MALAT1: variants seen among roughly 807,000 people sequenced by gnomAD.
MALAT1 encodes metastasis associated lung adenocarcinoma transcript 1, also known as hepcarcin.
chr11:65,498,091 C>T (rs1854433579), intron 1 of MALAT1: 3 of 518,860 alleles, frequency 5.8e-6, no homozygotes, highest in South Asian at 2.8e-5. Flanking sequence ...CCTAACCAGG[C>T]ATAACACAGA....
exon 3 of MALAT1, chr11:65,503,644 C>G (rs1157783167): frequency 5.9e-6 from 3 of 511,782 alleles, no homozygotes; most frequent in South Asian, 4.3e-5. Context: ...TTTTAGAAAG[C>G]TGTCTCCTTA....
chr11:65,499,476 T>A (rs771531891), exon 3 of MALAT1: 1 of 465,376 alleles, frequency 2.1e-6, no homozygotes, highest in African/African-American at 2.0e-5. Context: ...ATTAAAATAA[T>A]TTGAAGGCGA....
intron 1 of MALAT1, chr11:65,498,009 G>C (rs760158764): frequency 3.9e-6 from 2 of 518,848 alleles, no homozygotes; most frequent in African/African-American, 1.9e-5. Context: ...AAACTCTGCA[G>C]TTTGGTCTTG....
chr11:65,498,003 TCTGCAGTTTGGTC>T (rs750157070), intron 1 of MALAT1: 2 of 518,858 alleles, frequency 3.9e-6, no homozygotes, highest in East Asian at 1.1e-4. Flanking sequence ...CCACTCAAAC[TCTGCAGTTTGGTC>T]TTGGGGTTTG....
chr11:65,502,801 G>GGT, exon 3 of MALAT1: 1 of 513,468 alleles, frequency 1.9e-6, no homozygotes. Flanking sequence ...TACTACTGAT[G>GGT]AGAACATTAT....
exon 3 of MALAT1, chr11:65,500,034 T>A (rs765196493): frequency 2.3e-6 from 1 of 433,030 alleles, no homozygotes; most frequent in Non-Finnish European, 4.5e-6. Context: ...AGCCCATCAA[T>A]TTAATTTCTG....
exon 3 of MALAT1, chr11:65,499,178 C>T (rs1274174524): frequency 3.9e-6 from 2 of 507,292 alleles, no homozygotes; most frequent in African/African-American, 2.0e-5. Context: ...CAATAGGTTA[C>T]TAAGATATTG....
chr11:65,505,888 C>T (rs777204174), intron 3 of MALAT1: 2 of 438,934 alleles, frequency 4.6e-6, no homozygotes, highest in South Asian at 3.5e-5. Context: ...AGAAGATAGG[C>T]ATTTGAGTGG....
exon 3 of MALAT1, chr11:65,503,785 G>A (rs775115937): frequency 3.9e-6 from 2 of 514,958 alleles, no homozygotes; most frequent in Non-Finnish European, 3.9e-6. Flanking sequence ...GCGGAAGAAC[G>A]AATGTAACTT....
At chr11:65,501,377 G>C (rs575790926) in exon 3 of MALAT1, 1 of 518,532 alleles carries the variant, frequency 1.9e-6, no homozygotes, top group Non-Finnish European at 3.9e-6. Context: ...ACAGTTTATA[G>C]AAACTAGAGC....
At chr11:65,501,651 C>T (rs1251146692) in exon 3 of MALAT1, 1 of 518,840 alleles carries the variant, frequency 1.9e-6, no homozygotes, top group Non-Finnish European at 3.8e-6. Context: ...GTGCTGTTGG[C>T]ACGAACACCT....
At chr11:65,500,740 G>A (rs752380388) in exon 3 of MALAT1, 1 of 519,010 alleles carries the variant, frequency 1.9e-6, no homozygotes, top group Admixed American at 1.9e-5. Context: ...AGTGTGCCAA[G>A]GCCACAGGGA....
exon 3 of MALAT1, chr11:65,499,554 C>T (rs11540787): frequency 2.2e-6 from 1 of 457,428 alleles, no homozygotes; most frequent in Non-Finnish European, 4.4e-6. Context: ...GGGAGAATTG[C>T]GTCATTTAAA....
intron 3 of MALAT1, chr11:65,504,491 A>G (rs1279310508): frequency 1.9e-6 from 1 of 518,876 alleles, no homozygotes; most frequent in East Asian, 5.4e-5. Context: ...GTTGAAGGAA[A>G]AAATCCAGCT....
At position 65,504,222 on chromosome 11, in the gene MALAT1, C is replaced by T. The variant is rs139292842; in HGVS notation, n.5168+317C>T. 314 of 516,366 alleles carry T rather than the reference C, an allele frequency of 6.1e-4. 1 individual carries two copies. Among genetic ancestry groups the T allele is most frequent in the Non-Finnish European group, 8.2e-4 (214 of 259,480 alleles). 32.0% of individuals were successfully genotyped at this position (516,366 alleles called of 1,614,324 possible). ...TTCTGTTCTAGTGAGTGTATGAGAC[C>T]TTGCAGTGAGTTTATCAGCATACTC... is the stretch of plus-strand genomic sequence containing the variant. On this transcript the variant is annotated intron_variant and non_coding_transcript_variant, in intron 3 of 3. Coordinates refer to ENST00000619449, the Ensembl canonical transcript of MALAT1.
chr11:65,505,677 G>C lies in MALAT1; in HGVS notation n.5169-583G>C, dbSNP rs200655069. The C allele has an allele frequency of 1.2e-5, 6 of 518,994 alleles. No individual in the cohort carries two copies. In the East Asian group the frequency reaches 2.2e-4, roughly 19 times the overall value. 32.1% of individuals were successfully genotyped at this position (518,994 alleles called of 1,614,324 possible). A position where few individuals can be genotyped will look rare whatever the true frequency, so the allele number is the denominator to read the frequency against. ...TCGGTTTCAAGGTAACGATGGTGTC[G>C]AGGTCTTTGGTGGGTTGAACTATGT... is the stretch of plus-strand genomic sequence containing the variant. On this transcript the variant is annotated intron_variant and non_coding_transcript_variant, in intron 3 of 3. Coordinates refer to ENST00000619449, the Ensembl canonical transcript of MALAT1.
At position 65,501,135 on chromosome 11, in the gene MALAT1, T is replaced by C. The variant is rs764258161; in HGVS notation, n.2398T>C. The C allele has an allele frequency of 1.9e-5, 10 of 517,420 alleles. No individual in the cohort carries two copies. In the East Asian group the frequency reaches 4.4e-4, roughly 23 times the overall value. 32.1% of individuals were successfully genotyped at this position (517,420 alleles called of 1,614,324 possible). A position where few individuals can be genotyped will look rare whatever the true frequency, so the allele number is the denominator to read the frequency against. On this transcript the variant is annotated non_coding_transcript_exon_variant, in exon 3 of 4. Transcript: ENST00000619449. ...TAATGAAGTATTTCAGTTTTGTGAA[T>C]AGATGACCTGTTTTTACTTCCTCAC... is the stretch of plus-strand genomic sequence containing the variant.
exon 3 of MALAT1, chr11:65,502,426 G>T (rs1565053744): frequency 4.0e-6 from 2 of 494,836 alleles, no homozygotes; most frequent in Non-Finnish European, 8.0e-6. Flanking sequence ...GTGTAAGCAA[G>T]TTTTTTTTTA....
chr11:65,505,453 G>A lies in MALAT1; in HGVS notation n.5169-807G>A, dbSNP rs377008075. 102 of 511,156 alleles carry A rather than the reference G, an allele frequency of 2.0e-4. 1 individual carries two copies. Among genetic ancestry groups the A allele is most frequent in the South Asian group, 7.7e-4 (55 of 71,106 alleles). 31.7% of individuals were successfully genotyped at this position (511,156 alleles called of 1,614,324 possible). A position where few individuals can be genotyped will look rare whatever the true frequency, so the allele number is the denominator to read the frequency against. On this transcript the variant is annotated intron_variant and non_coding_transcript_variant, in intron 3 of 3. Transcript: ENST00000619449. ...TAATAATAAAGCCCAAATCTCAAGC[G>A]GTGCTTGAAGGGGAGGGAAAGGGGG...
Sources: allele counts gnomAD v4.1 joint callset, GRCh38; gene constraint gnomAD v4.1.1; transcripts MANE v1.5; gene names NCBI Gene and HGNC (gene_info 2026-07-23, HGNC 2026-07-21).